Variants in GSE1 observed in about 807,000 individuals in gnomAD.
The protein encoded by GSE1 is Gse1 coiled-coil protein.
Under a neutral mutation model 112.6 loss-of-function variants are expected in GSE1, and 32 were observed. The observed-to-expected ratio is 0.28, with a 90% CI of 0.21 to 0.38. The LOEUF (loss-of-function observed/expected upper bound fraction) is 0.38. Among genes scored for constraint, GSE1 ranks in the 10% least tolerant of loss-of-function variants. GSE1 has a pLI of 1.00. For missense variants in GSE1, 2,348 were observed against 1,699.2 expected (o/e 1.38, Z -6.71); for synonymous variants, 1,115 against 735.6 (o/e 1.52, Z -8.35).
At chr16:85,357,368 G>A (rs1466385559) in intron 1 of GSE1, 13 of 799,196 alleles carry the variant, frequency 1.6e-5, no homozygotes, top group African/African-American at 5.6e-5. Context: ...GGCCATCGTC[G>A]GGGAGGAATG....
chr16:85,355,618 A>G (rs1390191996), intron 1 of GSE1, among the ~76,000 whole-genome samples: 2 of 152,218 alleles, frequency 1.3e-5, no homozygotes, highest in African/African-American at 2.4e-5. Flanking sequence ...AGTTCTAGAA[A>G]TGGATGGTGG....
chr16:85,532,012 A>G (rs746134640), intron 2 of GSE1, among the ~76,000 whole-genome samples: 1 of 152,198 alleles, frequency 6.6e-6, no homozygotes, highest in Non-Finnish European at 1.5e-5. Context: ...CTAGGGAGAC[A>G]GTAACAGTGA....
At chr16:85,612,432 C>T (rs1189183346), upstream of GSE1, among the ~76,000 whole-genome samples, 5 of 152,094 alleles carry the variant, frequency 3.3e-5, no homozygotes, top group Non-Finnish European at 7.4e-5. Flanking sequence ...GGGCCAGAAG[C>T]GCAATGGGTC....
intron 1 of GSE1, among the ~76,000 whole-genome samples, chr16:85,349,710 G>C (rs1206267782): frequency 6.6e-6 from 1 of 152,172 alleles, no homozygotes; most frequent in Admixed American, 6.5e-5. Context: ...AGGCGACGCC[G>C]TGTTCTTTTG....
In GSE1 at chr16:85,597,204, C is replaced by G. The variant is rs148838323; in HGVS notation, c.37+40841C>G. ...ATGTTGGCCAGGCTGGTCTCGAACT[C>G]CTGACCTCAGGTGATCTGCCTGCCT... On this transcript the variant is annotated intron_variant, in intron 1 of 2. Transcript: ENST00000635906. Among the ~76,000 whole-genome samples the G allele has an allele frequency of 5.9e-3, 897 of 151,616 alleles. 12 individuals carry two copies. The highest frequency in any genetic ancestry group is 0.021 in the African/African-American group (864 of 41,456).
intron 1 of GSE1, among the ~76,000 whole-genome samples, chr16:85,562,560 C>A (rs1179331762): frequency 6.6e-6 from 1 of 152,236 alleles, no homozygotes; most frequent in African/African-American, 2.4e-5. Flanking sequence ...AATGCGTGTC[C>A]TTCTACGCAG....
chr16:85,171,777 C>T, exon 1 of GSE1: 1 of 985,634 alleles, frequency 1.0e-6, no homozygotes, highest in Non-Finnish European at 1.2e-6. Context: ...GACCCATGAG[C>T]TGGAGCTCCC....
chr16:85,234,423 C>G (rs1904386036), intron 1 of GSE1, among the ~76,000 whole-genome samples: 1 of 152,190 alleles, frequency 6.6e-6, no homozygotes, highest in Non-Finnish European at 1.5e-5. Context: ...AGCACAGGGA[C>G]CGCTCCAGCA....
chr16:85,585,911 G>T (rs2046669962), intron 1 of GSE1, among the ~76,000 whole-genome samples: 1 of 152,168 alleles, frequency 6.6e-6, no homozygotes, highest in Admixed American at 6.5e-5. Flanking sequence ...ATTGTTAGCT[G>T]TGTGACCTTG....
At chr16:85,254,095 T>TA (rs1906808937) in intron 1 of GSE1, among the ~76,000 whole-genome samples, 1 of 152,066 alleles carries the variant, frequency 6.6e-6, no homozygotes, top group Non-Finnish European at 1.5e-5. Context: ...TGCCAGCCCG[T>TA]ATGGGGCACT....
intron 1 of GSE1, among the ~76,000 whole-genome samples, chr16:85,179,518 A>G (rs1380864743): frequency 6.6e-6 from 1 of 152,124 alleles, no homozygotes; most frequent in Non-Finnish European, 1.5e-5. Flanking sequence ...GCCTGGGAGT[A>G]AGGTTGCTGC....
intron 1 of GSE1, among the ~76,000 whole-genome samples, chr16:85,325,845 C>T (rs928139180): frequency 2.0e-5 from 3 of 152,046 alleles, no homozygotes; most frequent in Non-Finnish European, 4.4e-5. Flanking sequence ...CAACCTCCGC[C>T]TCCAGGGTTC....
intron 1 of GSE1, chr16:85,185,360 G>A (rs1362511983): frequency 6.6e-6 from 1 of 152,332 alleles, no homozygotes; most frequent in Non-Finnish European, 1.5e-5. Context: ...ATGGGTCTGA[G>A]AGATGCTCCT....
rs141518985 is a variant in GSE1 at position 85,260,910 on chromosome 16, G to A, written c.2283+89103G>A. 1.8e-3 allele frequency among the ~76,000 whole-genome samples: 276 copies of A among 152,364 alleles called. 1 individual carries two copies. The highest frequency in any genetic ancestry group is 6.4e-3 in the African/African-American group (268 of 41,588). ...TGCCAGCATCCAGATGGGGGCTAAG[G>A]ACATCTGTTGACCTACCCTGGCCTA... On this transcript the variant is annotated intron_variant, in intron 1 of 2. Transcript: ENST00000637419.
exon 1 of GSE1, chr16:85,171,210 C>T (rs2074353892): frequency 1.0e-6 from 1 of 985,670 alleles, no homozygotes; most frequent in East Asian, 1.1e-4. Context: ...CCGTGCAGGG[C>T]TTCCTGGGCA....
chr16:85,634,438 G>A (rs989640208), intron 2 of GSE1, among the ~76,000 whole-genome samples: 3 of 152,324 alleles, frequency 2.0e-5, no homozygotes, highest in African/African-American at 7.2e-5. Context: ...TTGGGAGGAG[G>A]GTGGGTGCCC....
At chr16:85,331,611 A>ATTTG (rs2046364865) in intron 1 of GSE1, among the ~76,000 whole-genome samples, 1 of 78,608 alleles carries the variant, frequency 1.3e-5, no homozygotes, top group East Asian at 3.2e-4. Flanking sequence ...GTATTTGTGT[A>ATTTG]TATATGTGTG....
rs535102434 is a variant in GSE1, at chr16:85,242,287, C to T, written c.2283+70480C>T. 5.4e-4 allele frequency among the ~76,000 whole-genome samples: 82 copies of T among 152,330 alleles called. 1 individual carries two copies. In the Middle Eastern group the frequency reaches 0.01, roughly 19 times the overall value. ...AAGCAGCCGCCCTCCTGCTTCCCCT[C>T]TGCCAGAGGCTCAGCAGCCCTCGGG... On this transcript the variant is annotated intron_variant, in intron 1 of 2. Transcript: ENST00000637419.
At chr16:85,176,008 A>T (rs1376460071) in intron 1 of GSE1, among the ~76,000 whole-genome samples, 1 of 151,930 alleles carries the variant, frequency 6.6e-6, no homozygotes, top group Non-Finnish European at 1.5e-5. Flanking sequence ...TTTTGTTTTG[A>T]GACAGGGTCT....
Sources: gnomAD v4.1 joint callset for allele counts (sites outside exome capture counted in the v4.1 genomes callset) on GRCh38, gnomAD v4.1.1 for gene constraint, MANE v1.5 for transcripts, NCBI Gene and HGNC (gene_info 2026-07-23, HGNC 2026-07-21) for gene names.